NIPAL1: variants seen among roughly 807,000 people sequenced by gnomAD.
NIPAL1 encodes NIPA like domain containing 1.
A neutral mutation model predicts 37.7 loss-of-function variants in NIPAL1; 35 were observed. The observed-to-expected ratio is 0.93, with a 90% CI of 0.71 to 1.23. The LOEUF (loss-of-function observed/expected upper bound fraction) is 1.23. Ranked by LOEUF, NIPAL1 falls within the 50% of genes most tolerant of loss-of-function variation. The pLI is 0.00. For missense variants in NIPAL1, 412 were observed against 473.9 expected (o/e 0.87, Z 1.21); for synonymous variants, 162 against 183.0 (o/e 0.89, Z 0.93).
chr4:48,018,942 G>T (rs1488166042), intron 1 of NIPAL1, among the ~76,000 whole-genome samples: 1 of 152,182 alleles, frequency 6.6e-6, no homozygotes, highest in Non-Finnish European at 1.5e-5. Flanking sequence ...AATGACAAGG[G>T]GTCAGTCATG....
intron 1 of NIPAL1, among the ~76,000 whole-genome samples, chr4:48,019,510 C>CCT (rs1212761361): frequency 6.6e-6 from 1 of 152,290 alleles, no homozygotes; most frequent in South Asian, 2.1e-4. Flanking sequence ...GCAGGAAAGG[C>CCT]CTCTCTGAGT....
intron 1 of NIPAL1, among the ~76,000 whole-genome samples, chr4:48,017,914 G>A (rs1281556506): frequency 6.6e-6 from 1 of 151,452 alleles, no homozygotes; most frequent in South Asian, 2.1e-4. Context: ...AAAGGTGCTC[G>A]CAACTTCCCT....
At chr4:48,026,743 G>A (rs917099390) in intron 2 of NIPAL1, among the ~76,000 whole-genome samples, 15 of 151,050 alleles carry the variant, frequency 9.9e-5, no homozygotes, top group African/African-American at 3.4e-4. Context: ...TTTTCAGACG[G>A]GGCTTTGCCC....
At chr4:48,018,718 G>A (rs1715508959) in intron 1 of NIPAL1, among the ~76,000 whole-genome samples, 1 of 152,188 alleles carries the variant, frequency 6.6e-6, no homozygotes, top group African/African-American at 2.4e-5. Flanking sequence ...CATAGGTGCT[G>A]GGATAGAGGG....
chr4:48,019,085 A>C (rs921176821), intron 1 of NIPAL1, among the ~76,000 whole-genome samples: 1 of 152,070 alleles, frequency 6.6e-6, no homozygotes, highest in African/African-American at 2.4e-5. Context: ...CAGTGGTGCA[A>C]TTTCAGCTCA....
chr4:48,017,082 G>C (rs1218220924), intron 1 of NIPAL1, among the ~76,000 whole-genome samples, 197 bp downstream of exon 1: 1 of 152,226 alleles, frequency 6.6e-6, no homozygotes, highest in East Asian at 1.9e-4. Flanking sequence ...TAGGCGATTC[G>C]GGCTGTGCTG....
chr4:48,026,082 A>T (rs1402107590), intron 2 of NIPAL1, among the ~76,000 whole-genome samples: 1 of 151,580 alleles, frequency 6.6e-6, no homozygotes, highest in Non-Finnish European at 1.5e-5. Context: ...CCCTCACCGT[A>T]CCTAGGATAA....
rs933414770 is a variant in NIPAL1 at position 48,024,957 on chromosome 4, A to G, written c.47-111A>G. The G allele has an allele frequency of 1.0e-5, 9 of 885,852 alleles. No homozygotes were observed. In the African/African-American group the frequency reaches 1.5e-4, roughly 15 times the overall value. The allele number at this position is 885,852 out of a possible 1,614,324, so 54.9% of individuals were successfully genotyped here. Reference sequence around the variant, plus strand: ...ACCTGTTAGCGACTTCCCTACATGTAGTAAAATGTTTCAGTACCATCCACT... The same window carrying G: ...ACCTGTTAGCGACTTCCCTACATGTGGTAAAATGTTTCAGTACCATCCACT... On this transcript the variant is annotated intron_variant, in intron 1 of 5. Transcript: ENST00000295461.
rs1295863245 is a variant in NIPAL1, at chr4:48,034,896, C to T, written c.477C>T (p.Ser159=). ...CTCCCAACAGTGCAATATTATCTTC[C>T]TACTTTTTAAACGAGCACTTGAACA... ...LSVLISAILS[S]YFLNEHLNIH... is the part of the protein sequence containing the mutation. Residue 159 remains serine, a synonymous_variant, in exon 5 of 6, where the codon TCC becomes TCT. Transcript: ENST00000295461. 4.3e-6 allele frequency: 7 copies of T among 1,612,824 alleles called. No individual in the cohort carries two copies. Among genetic ancestry groups the T allele is most frequent in the Non-Finnish European group, 8.5e-7 (1 of 1,179,064 alleles).
intron 3 of NIPAL1, among the ~76,000 whole-genome samples, chr4:48,032,100 GTTTAATGAT>G (rs1268671392): frequency 2.0e-5 from 3 of 152,146 alleles, no homozygotes; most frequent in African/African-American, 7.2e-5. Context: ...ATTTAGATTT[GTTTAATGAT>G]GTTTTCCTAA....
chr4:48,036,022 C>T lies in NIPAL1; in HGVS notation c.1083C>T (p.Asp361=), dbSNP rs745613033. 3.7e-6 allele frequency: 6 copies of T among 1,612,904 alleles called. No individual in the cohort carries two copies. The African/African-American group carries it at 4.0e-5, about 11-fold the overall frequency. ...TTCTACATGCTTTTAAAAATACTGA[C>T]ATTACTTGGAGTGAGCTTACATCCA... ...IFLLHAFKNT[D]ITWSELTSTA... Residue 361 remains aspartate, a synonymous_variant, in exon 6 of 6, where the codon GAC becomes GAT. Coordinates refer to ENST00000295461, the MANE Select transcript of NIPAL1 (RefSeq NM_207330.3).
At chr4:48,035,177 GATT>G (rs1560325760) in intron 5 of NIPAL1, 136 bp downstream of exon 5, 1 of 741,012 alleles carries the variant, frequency 1.3e-6, no homozygotes, top group Non-Finnish European at 2.2e-6. Flanking sequence ...AGTGAGGTTT[GATT>G]ATTATTTCTC....
In NIPAL1 at chr4:48,016,785, G is replaced by T. The variant is rs1044349551; in HGVS notation, c.-55G>T. ...GCCCCGCCCGCCGCGGGTGCGTGTG[G>T]AGAGGCCCAGGTGAGGAGCAAGCGC... On this transcript the variant is annotated 5_prime_UTR_variant, in exon 1 of 6. Transcript: ENST00000295461. 23 of 1,519,634 alleles carry T rather than the reference G, an allele frequency of 1.5e-5. No individual in the cohort carries two copies. Among genetic ancestry groups the T allele is most frequent in the Admixed American group, 1.9e-5 (1 of 51,294 alleles). 94.1% of individuals were successfully genotyped at this position (1,519,634 alleles called of 1,614,324 possible).
chr4:48,027,251 T>C lies in NIPAL1; in HGVS notation c.313+1917T>C, dbSNP rs894968404. 2.6e-5 allele frequency among the ~76,000 whole-genome samples: 4 copies of C among 152,082 alleles called. No homozygotes were observed. Among genetic ancestry groups the C allele is most frequent in the Non-Finnish European group, 5.9e-5 (4 of 68,012 alleles). On this transcript the variant is annotated intron_variant, in intron 2 of 5. Coordinates refer to ENST00000295461, the MANE Select transcript of NIPAL1 (RefSeq NM_207330.3). The surrounding 1 kb of genome is among the most constrained non-coding windows in gnomAD (Gnocchi z 4.1). Reference sequence around the variant, plus strand: ...TGCAGTCAATAAGTAAAAAGGTTAGTACCCTAACAGAAAATAGACATGGCA... The same window carrying C: ...TGCAGTCAATAAGTAAAAAGGTTAGCACCCTAACAGAAAATAGACATGGCA...
intron 1 of NIPAL1, among the ~76,000 whole-genome samples, chr4:48,019,910 C>T (rs559695485): frequency 8.5e-5 from 13 of 152,216 alleles, no homozygotes; most frequent in Admixed American, 2.6e-4. Context: ...TCTTCAACCC[C>T]TCAGGGTTTC....
Position 48,040,085 on chromosome 4 carries a change from G to C in NIPAL1, c.*3913G>C, listed in dbSNP as rs1716045415. ...AACTGTTCATGAAGCCTTATATTTTGCAAGTGTTTTTACTGTTGATTTTAG... is the reference window on the plus strand; with the variant it reads ...AACTGTTCATGAAGCCTTATATTTTCCAAGTGTTTTTACTGTTGATTTTAG... On this transcript the variant is annotated 3_prime_UTR_variant, in exon 6 of 6. Coordinates refer to ENST00000295461, the MANE Select transcript of NIPAL1 (RefSeq NM_207330.3). The C allele has an allele frequency of 6.6e-6, 1 of 152,216 alleles. No individual in the cohort carries two copies. Among genetic ancestry groups the C allele is most frequent in the African/African-American group, 2.4e-5 (1 of 41,524 alleles). The allele number at this position is 152,216 out of a possible 1,614,324, so 9.4% of individuals were successfully genotyped here.
intron 2 of NIPAL1, among the ~76,000 whole-genome samples, chr4:48,028,766 C>G (rs1181812638): frequency 1.3e-5 from 2 of 152,018 alleles, no homozygotes; most frequent in Non-Finnish European, 2.9e-5. Flanking sequence ...AGGATATGAA[C>G]ATACATTTTT....
intron 2 of NIPAL1, among the ~76,000 whole-genome samples, chr4:48,029,743 T>C (rs897801498): frequency 6.6e-6 from 1 of 152,226 alleles, no homozygotes; most frequent in Non-Finnish European, 1.5e-5. Flanking sequence ...GTAATACATG[T>C]AAAGTTCTTT....
chr4:48,033,043 A>G lies in NIPAL1; in HGVS notation c.421A>G (p.Thr141Ala). ...NFAAYAFAPATLVTPLGALSV... is the reference protein window; with the variant it reads ...NFAAYAFAPAALVTPLGALSV... ...TGCTGCTTATGCTTTTGCACCTGCCACCTTGGTCACCCCTCTGGGTGCTTT... is the reference window on the plus strand; with the variant it reads ...TGCTGCTTATGCTTTTGCACCTGCCGCCTTGGTCACCCCTCTGGGTGCTTT... The change falls in exon 4 of 6, where the codon ACC (threonine) becomes GCC (alanine). Residue 141 changes from threonine (T) to alanine (A), a missense_variant. Thr to Ala is a moderately conservative substitution (Grantham distance 58). Coordinates refer to ENST00000295461, the MANE Select transcript of NIPAL1 (RefSeq NM_207330.3). 6.2e-7 allele frequency: 1 copy of G among 1,613,962 alleles called. No homozygotes were observed. Among genetic ancestry groups the G allele is most frequent in the Admixed American group, 1.7e-5 (1 of 60,006 alleles).
Sources: gnomAD v4.1 joint callset for allele counts (sites outside exome capture counted in the v4.1 genomes callset) on GRCh38, gnomAD v4.1.1 for gene constraint, Gnocchi (gnomAD v3.1) non-coding constraint, MANE v1.5 for transcripts, NCBI Gene and HGNC (gene_info 2026-07-23, HGNC 2026-07-21) for gene names.